BAALC: variants seen among roughly 807,000 people sequenced by gnomAD.
BAALC encodes brain and acute leukemia cytoplasmic protein.
A neutral mutation model predicts 15.5 loss-of-function variants in BAALC; 9 were observed. The ratio of observed to expected loss-of-function variants is 0.58; its 90% CI spans 0.35 to 1.02. The LOEUF (loss-of-function observed/expected upper bound fraction) is 1.02, where lower values mean the gene tolerates loss of function less well. Ranked by LOEUF, BAALC falls within the 50% of genes least tolerant of loss-of-function variation. The pLI is 0.02. For missense variants in BAALC, 201 were observed against 192.4 expected, an observed-to-expected ratio of 1.04 and a Z score of -0.27; for synonymous variants, 80 against 74.6, an observed-to-expected ratio of 1.07 and a Z score of -0.37.
intron 2 of BAALC, among the ~76,000 whole-genome samples, chr8:103,222,157 T>A (rs1812690676): frequency 6.6e-6 from 1 of 152,124 alleles, no homozygotes; most frequent in Non-Finnish European, 1.5e-5. Context: ...CAAGTTTTAT[T>A]GTGTAGAGGA....
intron 1 of BAALC, among the ~76,000 whole-genome samples, chr8:103,162,387 T>C (rs895715720): frequency 2.6e-5 from 4 of 152,204 alleles, no homozygotes; most frequent in Non-Finnish European, 5.9e-5. Flanking sequence ...AAGTTATTTG[T>C]TGAATAAAAT....
chr8:103,156,961 A>G (rs538575845), intron 1 of BAALC: 2 of 152,470 alleles, frequency 1.3e-5, no homozygotes, highest in East Asian at 1.9e-4. Flanking sequence ...GAGTGTGCCC[A>G]TGCCCTTTAG....
chr8:103,166,238 T>C (rs901790752), intron 1 of BAALC: 4 of 152,808 alleles, frequency 2.6e-5, no homozygotes, highest in African/African-American at 4.8e-5. Context: ...TCTGTAACCT[T>C]TGTTCCTGCC....
Position 103,163,595 on chromosome 8 carries a change from A to G in BAALC, c.160+22538A>G, listed in dbSNP as rs149019870. On this transcript the variant is annotated intron_variant, in intron 1 of 2. Coordinates refer to ENST00000309982, the MANE Select transcript of BAALC (RefSeq NM_024812.3). ...TCTCTGCACATCTAATCAGGCACCA[A>G]CTTCTACAGTCTGTCTCTGAAATGA... 2.0e-3 allele frequency among the ~76,000 whole-genome samples: 305 copies of G among 152,242 alleles called. 1 individual carries two copies. The highest frequency in any genetic ancestry group is 6.8e-3 in the African/African-American group (283 of 41,546).
chr8:103,220,296 G>C (rs1812649257), intron 2 of BAALC, among the ~76,000 whole-genome samples: 1 of 152,188 alleles, frequency 6.6e-6, no homozygotes, highest in Non-Finnish European at 1.5e-5. Context: ...TTGGGAAAGC[G>C]AATACAATAA....
intron 1 of BAALC, among the ~76,000 whole-genome samples, chr8:103,177,693 T>A (rs1176957608): frequency 6.6e-6 from 1 of 152,260 alleles, no homozygotes; most frequent in Non-Finnish European, 1.5e-5. Flanking sequence ...TACCTCTTAC[T>A]AGGCTGAGAC....
intron 1 of BAALC, among the ~76,000 whole-genome samples, chr8:103,176,813 C>T (rs367811975): frequency 1.3e-3 from 201 of 152,204 alleles, no homozygotes; most frequent in African/African-American, 4.6e-3. Flanking sequence ...TTCATTTTGC[C>T]CCAATGTGAA....
chr8:103,195,255 C>A (rs1199196194), intron 1 of BAALC, among the ~76,000 whole-genome samples: 1 of 152,084 alleles, frequency 6.6e-6, no homozygotes, highest in African/African-American at 2.4e-5. Context: ...CCCTCACCAG[C>A]CCCTGTGCAG....
intron 1 of BAALC, among the ~76,000 whole-genome samples, chr8:103,146,457 G>A (rs543777963): frequency 6.6e-6 from 1 of 152,224 alleles, no homozygotes; most frequent in Non-Finnish European, 1.5e-5. Context: ...AGTGATTAAT[G>A]TCTGCTTCCG....
chr8:103,161,950 CTTTG>C (rs776317581), intron 1 of BAALC, among the ~76,000 whole-genome samples: 1 of 81,990 alleles, frequency 1.2e-5, no homozygotes, highest in African/African-American at 4.3e-5. Context: ...TGGGCCTGTT[CTTTG>C]TTTGTTTTTT....
chr8:103,164,364 G>C (rs913496292), intron 1 of BAALC, among the ~76,000 whole-genome samples: 2 of 152,138 alleles, frequency 1.3e-5, no homozygotes, highest in Admixed American at 1.3e-4. Flanking sequence ...CTTTATTCCA[G>C]TGTCAACGGA....
intron 1 of BAALC, among the ~76,000 whole-genome samples, chr8:103,198,758 A>G (rs527928397): frequency 1.4e-4 from 22 of 152,166 alleles, no homozygotes; most frequent in African/African-American, 5.3e-4. Flanking sequence ...ACAAAAAAAA[A>G]AAAATTGCCA....
At chr8:103,151,225 G>T (rs1389789755) in intron 1 of BAALC, among the ~76,000 whole-genome samples, 1 of 152,146 alleles carries the variant, frequency 6.6e-6, no homozygotes, top group East Asian at 1.9e-4. Context: ...CACAGTGTTA[G>T]CCAGGGTGGT....
intron 1 of BAALC, among the ~76,000 whole-genome samples, chr8:103,158,527 C>T (rs2129895625): frequency 6.6e-6 from 1 of 152,260 alleles, no homozygotes; most frequent in Non-Finnish European, 1.5e-5. Context: ...ACTACTCTTG[C>T]TTTGGTGCCA....
At chr8:103,152,981 T>C (rs1388870802) in intron 1 of BAALC, among the ~76,000 whole-genome samples, 2 of 152,216 alleles carry the variant, frequency 1.3e-5, no homozygotes, top group Non-Finnish European at 2.9e-5. Context: ...TAAACTTTGC[T>C]TGGGTCTTAT....
At chr8:103,190,181 T>TA (rs1811933929) in intron 1 of BAALC, among the ~76,000 whole-genome samples, 1 of 152,172 alleles carries the variant, frequency 6.6e-6, no homozygotes, top group Non-Finnish European at 1.5e-5. Context: ...GGCTTGAAGG[T>TA]AACATGGTAA....
chr8:103,194,064 T>C (rs985562535), intron 1 of BAALC, among the ~76,000 whole-genome samples: 2 of 152,236 alleles, frequency 1.3e-5, no homozygotes, highest in Non-Finnish European at 2.9e-5. Flanking sequence ...TCGTTTTCTT[T>C]TGATGCAAAG....
intron 1 of BAALC, among the ~76,000 whole-genome samples, chr8:103,205,354 T>G (rs943653483): frequency 7.2e-5 from 11 of 152,320 alleles, no homozygotes; most frequent in African/African-American, 2.4e-4. Flanking sequence ...CAAGGTTCAG[T>G]GATTTGACTT....
At chr8:103,212,149 A>C (rs983945272) in intron 1 of BAALC, among the ~76,000 whole-genome samples, 14 of 152,230 alleles carry the variant, frequency 9.2e-5, no homozygotes, top group African/African-American at 2.7e-4. Flanking sequence ...GCTATTAAAA[A>C]AAATCTCTGT....
Sources: gnomAD v4.1 joint callset for allele counts (sites outside exome capture counted in the v4.1 genomes callset) on GRCh38, gnomAD v4.1.1 for gene constraint, MANE v1.5 for transcripts, NCBI Gene and HGNC (gene_info 2026-07-23, HGNC 2026-07-21) for gene names.